The following POLR2J variants were observed in gnomAD, a reference collection of about 807,000 sequenced individuals.
POLR2J encodes the protein DNA-directed RNA polymerase II subunit RPB11-a.
A neutral mutation model predicts 13.4 loss-of-function variants in POLR2J; 12 were observed. That is an observed-to-expected ratio of 0.90 (90% CI 0.57 to 1.45). POLR2J has a LOEUF of 1.45. POLR2J is among the 40% of genes most tolerant of loss of function. POLR2J has a pLI of 0.00. For synonymous variants in POLR2J, 31 were observed against 53.6 expected (o/e 0.58, Z 1.84); for missense variants, 58 against 132.0 (o/e 0.44, Z 2.75).
intron 1 of POLR2J, among the ~76,000 whole-genome samples, chr7:102,477,953 TA>T: frequency 7.9e-6 from 1 of 126,306 alleles, no homozygotes. Context: ...GTGCCGGGAT[TA>T]AAAGCGTGAA....
rs1017650817 is a variant in POLR2J, at chr7:102,473,528, G to A, written c.*121C>T. Reference sequence around the variant, plus strand: ...CAGGACACGTCGGTGTCAGGGTGAGGGGTGGCCACAAGGCGGGCCATGGCT... The same window carrying A: ...CAGGACACGTCGGTGTCAGGGTGAGAGGTGGCCACAAGGCGGGCCATGGCT... On this transcript the variant is annotated 3_prime_UTR_variant, in exon 4 of 4. Transcript: ENST00000292614. 23 of 1,459,724 alleles carry A rather than the reference G, an allele frequency of 1.6e-5. No homozygotes were observed. The African/African-American group carries it at 2.6e-4, about 17-fold the overall frequency. The allele number at this position is 1,459,724 out of a possible 1,614,324, so 90.4% of individuals were successfully genotyped here.
At chr7:102,474,034 T>C (rs546386126) in intron 3 of POLR2J, 2 of 1,443,134 alleles carry the variant, frequency 1.4e-6, no homozygotes, top group African/African-American at 2.9e-5. Context: ...CCCAGAGACC[T>C]GGAAGGACCA....
rs530816418 is a variant in POLR2J at position 102,473,819 on chromosome 7, C to T, written c.319-135G>A. ...GGCCACACTCCCCAGGACAGTGGAG[C>T]AGCCAAAGGGCCCTCCCAGCTGGCC... On this transcript the variant is annotated intron_variant, in intron 3 of 3. Coordinates refer to ENST00000292614, the MANE Select transcript of POLR2J (RefSeq NM_006234.6). 44 of 1,480,218 alleles carry T rather than the reference C, an allele frequency of 3.0e-5. No homozygotes were observed. In the African/African-American group the frequency reaches 5.6e-4, roughly 19 times the overall value. 91.7% of individuals were successfully genotyped at this position (1,480,218 alleles called of 1,614,324 possible). A position where few individuals can be genotyped will look rare whatever the true frequency, so the allele number is the denominator to read the frequency against.
chr7:102,478,723 G>A, intron 1 of POLR2J, 85 bp downstream of exon 1: 7 of 1,573,836 alleles, frequency 4.4e-6, no homozygotes, highest in East Asian at 4.5e-5. Context: ...TTTCCCTCCC[G>A]GGGCAAGAGA....
intron 3 of POLR2J, chr7:102,474,008 C>G (rs4556028): frequency 1.4e-5 from 20 of 1,438,744 alleles, no homozygotes; most frequent in East Asian, 7.5e-5. Flanking sequence ...GTGGGCCACC[C>G]GGGGGTGAGC....
Position 102,478,878 on chromosome 7 carries a change from G to A in POLR2J, c.-18C>T, listed in dbSNP as rs779719584. ...GCGTTCATGCTCCCGCCGCCGTTGCGTCCAGACCCCAAGGGTCCGCCGCCG... is the reference window on the plus strand; with the variant it reads ...GCGTTCATGCTCCCGCCGCCGTTGCATCCAGACCCCAAGGGTCCGCCGCCG... On this transcript the variant is annotated 5_prime_UTR_variant, in exon 1 of 4. It adds an upstream start codon to the 5' untranslated region. Coordinates refer to ENST00000292614, the MANE Select transcript of POLR2J (RefSeq NM_006234.6). 1.2e-6 allele frequency: 2 copies of A among 1,610,532 alleles called. No individual in the cohort carries two copies. The highest frequency in any genetic ancestry group is 1.1e-5 in the South Asian group (1 of 90,984).
chr7:102,473,242 G>T lies in POLR2J; in HGVS notation c.*407C>A, dbSNP rs770348642. 4.4e-6 allele frequency: 3 copies of T among 685,386 alleles called. No individual in the cohort carries two copies. Among genetic ancestry groups the T allele is most frequent in the Non-Finnish European group, 7.1e-6 (3 of 420,584 alleles). The allele number at this position is 685,386 out of a possible 1,614,324, so 42.5% of individuals were successfully genotyped here. A position where few individuals can be genotyped will look rare whatever the true frequency, so the allele number is the denominator to read the frequency against. The stretch of plus-strand genomic sequence containing the variant: ...TGACTGACAGGCAGGCCCAGGAGTT[G>T]AGGCTTCTAGAGCAGAGACTCTTGG... On this transcript the variant is annotated 3_prime_UTR_variant, in exon 4 of 4. Coordinates refer to ENST00000292614, the MANE Select transcript of POLR2J (RefSeq NM_006234.6).
At chr7:102,475,932 AC>A (rs1160515355) in intron 2 of POLR2J, among the ~76,000 whole-genome samples, 11 of 104,672 alleles carry the variant, frequency 1.1e-4, no homozygotes, top group Admixed American at 9.9e-4. Flanking sequence ...TCAAAAACAA[AC>A]AAACAAACAG....
At chr7:102,475,017 C>T (rs1475681962) in intron 2 of POLR2J, among the ~76,000 whole-genome samples, 2 of 151,192 alleles carry the variant, frequency 1.3e-5, no homozygotes, top group African/African-American at 4.8e-5. Flanking sequence ...CATGGGGCTG[C>T]GTCGCGTACT....
chr7:102,473,131 C>T lies in POLR2J; in HGVS notation c.*518G>A, dbSNP rs1798275557. Reference sequence around the variant, plus strand: ...CCGATGGGGGTGGGGGGGGGTCTTTCAGTGAATATTTTTATTAAACTCTAC... The same window carrying T: ...CCGATGGGGGTGGGGGGGGGTCTTTTAGTGAATATTTTTATTAAACTCTAC... On this transcript the variant is annotated 3_prime_UTR_variant, in exon 4 of 4. Coordinates refer to ENST00000292614, the MANE Select transcript of POLR2J (RefSeq NM_006234.6). The T allele has an allele frequency of 1.4e-6, 2 of 1,426,520 alleles. No homozygotes were observed. Among genetic ancestry groups the T allele is most frequent in the East Asian group, 2.3e-5 (1 of 42,994 alleles). The allele number at this position is 1,426,520 out of a possible 1,614,324, so 88.4% of individuals were successfully genotyped here. A position where few individuals can be genotyped will look rare whatever the true frequency, so the allele number is the denominator to read the frequency against.
At chr7:102,474,104 C>A (rs990050448) in intron 3 of POLR2J, 6 of 1,475,664 alleles carry the variant, frequency 4.1e-6, no homozygotes, top group African/African-American at 1.4e-5. Flanking sequence ...AGTAGGTCCC[C>A]GCCCCGATCT....
intron 2 of POLR2J, among the ~76,000 whole-genome samples, chr7:102,475,351 G>C (rs1195917238): frequency 6.6e-5 from 10 of 152,240 alleles, no homozygotes; most frequent in Non-Finnish European, 1.5e-4. Context: ...CCAACCACCT[G>C]GCTAGGACCT....
At chr7:102,473,786 C>T in intron 3 of POLR2J, 102 bp from the exon 4 acceptor site, 3 of 1,550,934 alleles carry the variant, frequency 1.9e-6, no homozygotes, top group Non-Finnish European at 1.7e-6. Context: ...TCCTGGAGGG[C>T]AGCCATGGGC....
intron 1 of POLR2J, 152 bp downstream of exon 1, chr7:102,478,656 G>A (rs545259025): frequency 7.0e-7 from 1 of 1,436,438 alleles, no homozygotes; most frequent in East Asian, 2.5e-5. Context: ...CGACTGCCTC[G>A]CGGAACGGCC....
At chr7:102,475,203 C>A in intron 2 of POLR2J, among the ~76,000 whole-genome samples, 1 of 152,262 alleles carries the variant, frequency 6.6e-6, no homozygotes, top group East Asian at 1.9e-4. Context: ...CATCCCTGCG[C>A]CTGCCCACAC....
At chr7:102,473,755 G>A in intron 3 of POLR2J, 71 bp from the exon 4 acceptor site, 2 of 1,600,400 alleles carry the variant, frequency 1.2e-6, no homozygotes, top group Non-Finnish European at 1.7e-6. Context: ...CACATGCCCA[G>A]CATCCCCCCC....
chr7:102,473,445 T>A lies in POLR2J; in HGVS notation c.*204A>T, dbSNP rs1486851422. On this transcript the variant is annotated 3_prime_UTR_variant, in exon 4 of 4. Transcript: ENST00000292614. Reference sequence around the variant, plus strand: ...GCTTGCGAAGTCACCGCTGCTCAAGTCCACATCCAGGTCTCTCCCGCTATA... The same window carrying A: ...GCTTGCGAAGTCACCGCTGCTCAAGACCACATCCAGGTCTCTCCCGCTATA... The A allele has an allele frequency of 5.7e-6, 4 of 698,356 alleles. No homozygotes were observed. Among genetic ancestry groups the A allele is most frequent in the Non-Finnish European group, 8.7e-6 (4 of 460,136 alleles). 43.3% of individuals were successfully genotyped at this position (698,356 alleles called of 1,614,324 possible). A position where few individuals can be genotyped will look rare whatever the true frequency, so the allele number is the denominator to read the frequency against.
At chr7:102,474,035 G>A in intron 3 of POLR2J, 1 of 1,443,520 alleles carries the variant, frequency 6.9e-7, no homozygotes, top group Non-Finnish European at 9.1e-7. Flanking sequence ...CCAGAGACCT[G>A]GAAGGACCAG....
At chr7:102,473,743 A>G in intron 3 of POLR2J, 59 bp from the exon 4 acceptor site, 1 of 1,610,020 alleles carries the variant, frequency 6.2e-7, no homozygotes, top group South Asian at 1.1e-5. Flanking sequence ...GGACGCTGGA[A>G]ACACATGCCC....
Sources: gnomAD v4.1 joint callset for allele counts (sites outside exome capture counted in the v4.1 genomes callset) on GRCh38, gnomAD v4.1.1 for gene constraint, MANE v1.5 for transcripts, NCBI Gene and HGNC (gene_info 2026-07-23, HGNC 2026-07-21) for gene names.